CCR5AS: variants seen among roughly 807,000 people sequenced by gnomAD.
The protein encoded by CCR5AS is CCR5 antisense RNA.
chr3:46,390,452 T>C (rs1701901494), intron 2 of CCR5AS, among the ~76,000 whole-genome samples: 1 of 152,170 alleles, frequency 6.6e-6, no homozygotes, highest in Admixed American at 6.5e-5. Flanking sequence ...TAAGAGGCCA[T>C]GTTGAAACAG....
intron 1 of CCR5AS, among the ~76,000 whole-genome samples, chr3:46,401,577 G>A (rs907043563): frequency 7.2e-5 from 11 of 152,116 alleles, no homozygotes; most frequent in Non-Finnish European, 1.2e-4. Context: ...CCAAGGGATG[G>A]GCCTATCATA....
chr3:46,364,722 G>T (rs1351567014), exon 4 of CCR5AS, among the ~76,000 whole-genome samples: 1 of 152,074 alleles, frequency 6.6e-6, no homozygotes, highest in African/African-American at 2.4e-5. Context: ...AAATTGAAAA[G>T]CTTCTGGAAA....
At chr3:46,405,898 G>A (rs1478583047) in intron 1 of CCR5AS, among the ~76,000 whole-genome samples, 2 of 147,874 alleles carry the variant, frequency 1.4e-5, no homozygotes, top group Non-Finnish European at 3.0e-5. Flanking sequence ...TCCAGAGACA[G>A]TGTCTCGCTC....
intron 1 of CCR5AS, among the ~76,000 whole-genome samples, chr3:46,402,111 A>G (rs1185703977): frequency 1.3e-5 from 2 of 152,224 alleles, no homozygotes; most frequent in African/African-American, 4.8e-5. Flanking sequence ...ACTTTTTAGC[A>G]TACTGCGGAA....
At chr3:46,385,921 C>A (rs1575284368) in intron 2 of CCR5AS, among the ~76,000 whole-genome samples, 1 of 151,580 alleles carries the variant, frequency 6.6e-6, no homozygotes, top group South Asian at 2.1e-4. Context: ...TTTGTATTTT[C>A]AGTAGAGATG....
In CCR5AS at chr3:46,382,264, G is replaced by A. The variant is rs146514783; in HGVS notation, n.391+10561C>T. Among the ~76,000 whole-genome samples, 61 of 152,292 alleles carry A rather than the reference G, an allele frequency of 4.0e-4. 1 individual carries two copies. In the South Asian group the frequency reaches 6.0e-3, roughly 15 times the overall value. On this transcript the variant is annotated intron_variant and non_coding_transcript_variant, in intron 2 of 3. Coordinates refer to ENST00000451485, the Ensembl canonical transcript of CCR5AS. ...CCCTTCTGCATAATAAAAGATTAGG[G>A]TGAGATGGCCAGCTTCTTCCCGTGC...
At chr3:46,388,033 C>CT (rs1559573398) in intron 2 of CCR5AS, among the ~76,000 whole-genome samples, 1 of 152,046 alleles carries the variant, frequency 6.6e-6, no homozygotes, top group African/African-American at 2.4e-5. Context: ...ATTTTCACTT[C>CT]TTTGTGGTTC....
exon 4 of CCR5AS, among the ~76,000 whole-genome samples, chr3:46,364,486 C>G (rs1027206206): frequency 6.6e-6 from 1 of 152,182 alleles, no homozygotes; most frequent in Non-Finnish European, 1.5e-5. Context: ...CTGCTCTGCA[C>G]CATGTCGATC....
At chr3:46,390,947 C>A (rs979438978) in intron 2 of CCR5AS, among the ~76,000 whole-genome samples, 3 of 152,190 alleles carry the variant, frequency 2.0e-5, no homozygotes, top group Non-Finnish European at 2.9e-5. Flanking sequence ...AGGGGACAGA[C>A]TTACCCTCCA....
intron 2 of CCR5AS, among the ~76,000 whole-genome samples, chr3:46,391,516 A>G (rs764907268): frequency 6.6e-6 from 1 of 152,232 alleles, no homozygotes; most frequent in South Asian, 2.1e-4. Flanking sequence ...CTAGAGAGGT[A>G]AAGTGTCTAA....
chr3:46,404,566 G>T (rs953478150), intron 1 of CCR5AS, among the ~76,000 whole-genome samples: 16 of 151,960 alleles, frequency 1.1e-4, no homozygotes, highest in Admixed American at 9.2e-4. Context: ...TCAAACTCCT[G>T]ACCTCAAGTG....
At chr3:46,384,469 C>A (rs34158148) in intron 2 of CCR5AS, among the ~76,000 whole-genome samples, 1 of 152,086 alleles carries the variant, frequency 6.6e-6, no homozygotes, top group African/African-American at 2.4e-5. Context: ...ATGTCTGCAG[C>A]CCAATTTTAC....
intron 2 of CCR5AS, among the ~76,000 whole-genome samples, chr3:46,383,265 G>A (rs1467421026): frequency 6.6e-6 from 1 of 152,206 alleles, no homozygotes; most frequent in Non-Finnish European, 1.5e-5. Context: ...CCTTTTGAAA[G>A]CCTTTTAGGG....
chr3:46,381,097 G>C (rs374495282), intron 2 of CCR5AS, among the ~76,000 whole-genome samples: 15 of 152,098 alleles, frequency 9.9e-5, no homozygotes, highest in African/African-American at 3.6e-4. Context: ...TTTGGTTTTG[G>C]GTTATGTTTT....
In CCR5AS at chr3:46,395,635, T is replaced by TCTGCC. The variant is rs376462497; in HGVS notation, n.164-2588_164-2584dup. 2.4e-3 allele frequency among the ~76,000 whole-genome samples: 361 copies of TCTGCC among 152,318 alleles called. 3 individuals are homozygous for TCTGCC. The highest frequency in any genetic ancestry group is 7.8e-3 in the African/African-American group (323 of 41,570). ...TTGTAACTCCTGCCTGGTCTCCTCC[T>TCTGCC]CTGCCCACTCATGGCAAAGGAATAC... On this transcript the variant is annotated intron_variant and non_coding_transcript_variant, in intron 1 of 3. Transcript: ENST00000451485.
chr3:46,382,113 T>A (rs1326678675), intron 2 of CCR5AS, among the ~76,000 whole-genome samples: 2 of 152,252 alleles, frequency 1.3e-5, no homozygotes. Flanking sequence ...TGCCGGCAGC[T>A]GTGCCAATAG....
At chr3:46,388,856 A>T (rs148459127) in intron 2 of CCR5AS, among the ~76,000 whole-genome samples, 1 of 152,346 alleles carries the variant, frequency 6.6e-6, no homozygotes, top group Non-Finnish European at 1.5e-5. Context: ...GAACTTCATC[A>T]GGGTGAAAGT....
intron 2 of CCR5AS, among the ~76,000 whole-genome samples, chr3:46,385,683 ACT>A (rs553361797): frequency 6.6e-6 from 1 of 151,014 alleles, no homozygotes; most frequent in Non-Finnish European, 1.5e-5. Context: ...ACTGGGCGCA[ACT>A]CTCTCTCTCT....
chr3:46,392,884 G>T, exon 2 of CCR5AS: 1 of 212,938 alleles, frequency 4.7e-6, no homozygotes, highest in South Asian at 6.9e-5. Flanking sequence ...GTCGTAGGTG[G>T]ATCTTCTCAT....
Sources: allele counts gnomAD v4.1 joint callset (sites outside exome capture counted in the v4.1 genomes callset), GRCh38; gene constraint gnomAD v4.1.1; transcripts MANE v1.5; gene names NCBI Gene and HGNC (gene_info 2026-07-23, HGNC 2026-07-21).